Variants in DAB2IP observed in about 807,000 individuals in gnomAD.
DAB2IP encodes DAB2 interacting protein.
Under a neutral mutation model 107.2 loss-of-function variants are expected in DAB2IP, and 28 were observed. The ratio of observed to expected loss-of-function variants is 0.26; its 90% CI spans 0.19 to 0.36. DAB2IP has a LOEUF of 0.36. Ranked by LOEUF, DAB2IP falls within the 10% of genes least tolerant of loss-of-function variation. The pLI is 1.00. For missense variants in DAB2IP, 1,400 were observed against 1,644.7 expected, an observed-to-expected ratio of 0.85 and a Z score of 2.57; for synonymous variants, 755 against 706.4, an observed-to-expected ratio of 1.07 and a Z score of -1.09.
chr9:121,759,352 G>A (rs1833722215), intron 5 of DAB2IP, among the ~76,000 whole-genome samples: 1 of 152,128 alleles, frequency 6.6e-6, no homozygotes, highest in Non-Finnish European at 1.5e-5. Flanking sequence ...TCCTCCAGGT[G>A]AGGACCCCTG....
chr9:121,567,282 C>A, intron 1 of DAB2IP: 1 of 1,612,032 alleles, frequency 6.2e-7, no homozygotes, highest in Non-Finnish European at 8.5e-7. Flanking sequence ...CTCTGCTCAA[C>A]AGACTTTTCT....
chr9:121,748,664 C>A (rs2118924839), intron 3 of DAB2IP, among the ~76,000 whole-genome samples: 2 of 152,354 alleles, frequency 1.3e-5, no homozygotes, highest in South Asian at 4.1e-4. Flanking sequence ...ACACCTGCAA[C>A]TGGCACATGG....
intron 1 of DAB2IP, among the ~76,000 whole-genome samples, chr9:121,612,835 T>C (rs900176926): frequency 6.6e-6 from 1 of 152,224 alleles, no homozygotes; most frequent in Non-Finnish European, 1.5e-5. Context: ...GGAGGACAAC[T>C]GCTCAGGTTT....
At chr9:121,680,961 T>A (rs1828565089) in intron 2 of DAB2IP, among the ~76,000 whole-genome samples, 1 of 152,092 alleles carries the variant, frequency 6.6e-6, no homozygotes, top group South Asian at 2.1e-4. Context: ...CAGGCTAGTC[T>A]TGAACTCCTG....
At chr9:121,716,527 T>C (rs967473273) in intron 3 of DAB2IP, among the ~76,000 whole-genome samples, 3 of 152,244 alleles carry the variant, frequency 2.0e-5, no homozygotes, top group Non-Finnish European at 4.4e-5. Context: ...TCAGGTTCCA[T>C]TTCCAAAATA....
At chr9:121,646,948 T>G (rs981924921), upstream of DAB2IP, among the ~76,000 whole-genome samples, 6 of 152,142 alleles carry the variant, frequency 3.9e-5, no homozygotes, top group African/African-American at 1.2e-4. Flanking sequence ...GAAAAAGAAA[T>G]AACCATCTGC....
intron 1 of DAB2IP, among the ~76,000 whole-genome samples, chr9:121,618,201 C>A (rs1831346530): frequency 6.6e-6 from 1 of 152,148 alleles, no homozygotes; most frequent in Admixed American, 6.6e-5. Flanking sequence ...CATTTCCCCC[C>A]AGTTCTGGGT....
chr9:121,671,258 C>T (rs1833669629), intron 1 of DAB2IP, among the ~76,000 whole-genome samples: 1 of 152,210 alleles, frequency 6.6e-6, no homozygotes, highest in Non-Finnish European at 1.5e-5. Flanking sequence ...ATTGCTTGAA[C>T]CCAGGAGGCG....
At chr9:121,628,716 TG>T (rs1387750414) in intron 1 of DAB2IP, among the ~76,000 whole-genome samples, 1 of 152,156 alleles carries the variant, frequency 6.6e-6, no homozygotes, top group African/African-American at 2.4e-5. Flanking sequence ...GCAGAGGGCC[TG>T]GCAAACCTTC....
chr9:121,742,603 C>T (rs916876829), intron 3 of DAB2IP, among the ~76,000 whole-genome samples: 5 of 152,210 alleles, frequency 3.3e-5, no homozygotes, highest in African/African-American at 1.2e-4. Flanking sequence ...GCAGGCCCTG[C>T]CCACCCTTGC....
At chr9:121,704,797 TC>T (rs1190031250) in intron 3 of DAB2IP, among the ~76,000 whole-genome samples, 4 of 152,230 alleles carry the variant, frequency 2.6e-5, no homozygotes, top group African/African-American at 9.6e-5. Flanking sequence ...TAAGAGGTCT[TC>T]TGCCCTGTAG....
chr9:121,682,830 T>C (rs939386168), intron 2 of DAB2IP, among the ~76,000 whole-genome samples: 2 of 152,172 alleles, frequency 1.3e-5, no homozygotes, highest in Non-Finnish European at 2.9e-5. Context: ...GTGGAACTTT[T>C]CTGCCTATCT....
chr9:121,771,304 C>T (rs1834710901), intron 11 of DAB2IP, among the ~76,000 whole-genome samples: 1 of 152,156 alleles, frequency 6.6e-6, no homozygotes, highest in South Asian at 2.1e-4. Flanking sequence ...AAAATAGAGA[C>T]ATTTCTATCA....
At position 121,772,509 on chromosome 9, in the gene DAB2IP, C is replaced by T. The variant is rs541471171; in HGVS notation, c.2079-98C>T. On this transcript the variant is annotated intron_variant, in intron 11 of 15. Coordinates refer to ENST00000408936, the Ensembl canonical transcript of DAB2IP. The surrounding 1 kb of genome is among the most constrained non-coding windows in gnomAD (Gnocchi z 4.7). ...AGCGCTGGCTCAGGCTGCCAGGCCC[C>T]GGCAGGTTGGCGGGTGCTGTCGGTT... The T allele has an allele frequency of 1.8e-4, 242 of 1,367,168 alleles. 1 individual carries two copies. Among genetic ancestry groups the T allele is most frequent in the South Asian group, 1.7e-3 (125 of 73,900 alleles). 84.7% of individuals were successfully genotyped at this position (1,367,168 alleles called of 1,614,324 possible).
At chr9:121,740,005 T>C (rs929208761) in intron 3 of DAB2IP, among the ~76,000 whole-genome samples, 1 of 152,124 alleles carries the variant, frequency 6.6e-6, no homozygotes, top group African/African-American at 2.4e-5. Flanking sequence ...TTTGGCAACA[T>C]GAAGGCCTTT....
chr9:121,760,332 C>A lies in DAB2IP; in HGVS notation c.1063C>A (p.His355Asn), dbSNP rs1157957182. 1 of 1,613,446 alleles carries A rather than the reference C, an allele frequency of 6.2e-7. No homozygotes were observed. The highest frequency in any genetic ancestry group is 8.5e-7 in the Non-Finnish European group (1 of 1,180,036). The stretch of plus-strand genomic sequence containing the variant: ...AGAGTTCGCTGAGCACATCACCAAC[C>A]ACTACCTGGGGCTGTGTGCAGCCCT... Residue 355 changes from histidine to asparagine, a missense_variant, in exon 6 of 16, where the codon CAC (histidine) becomes AAC (asparagine). His to Asn is a moderately conservative substitution (Grantham distance 68). Coordinates refer to ENST00000408936, the Ensembl canonical transcript of DAB2IP. The surrounding 1 kb of genome is among the most constrained non-coding windows in gnomAD (Gnocchi z 5.9).
At chr9:121,783,706 C>A (rs1835818091) in exon 16 of DAB2IP, 4 of 997,800 alleles carry the variant, frequency 4.0e-6, no homozygotes, top group Non-Finnish European at 6.2e-6. Context: ...GCCTCCTCCT[C>A]ACCCTTCCCG....
At chr9:121,677,988 G>A (rs72770685) in intron 1 of DAB2IP, among the ~76,000 whole-genome samples, 5,115 of 152,164 alleles carry the variant, frequency 0.034, 140 homozygotes, top group South Asian at 0.084. Flanking sequence ...AAAAAATTGC[G>A]ATAAAATATG....
chr9:121,590,685 A>G (rs144776559), intron 1 of DAB2IP, among the ~76,000 whole-genome samples: 1 of 150,970 alleles, frequency 6.6e-6, no homozygotes, highest in African/African-American at 2.5e-5. Flanking sequence ...ATTTCTGGCA[A>G]CAAACAGTAT....
Sources: allele counts gnomAD v4.1 joint callset (sites outside exome capture counted in the v4.1 genomes callset), GRCh38; gene constraint gnomAD v4.1.1; non-coding constraint Gnocchi (gnomAD v3.1); transcripts MANE v1.5; gene names NCBI Gene and HGNC (gene_info 2026-07-23, HGNC 2026-07-21).